C10orf90: variants seen among roughly 807,000 people sequenced by gnomAD.
C10orf90 encodes the protein chromosome 10 open reading frame 90.
A neutral mutation model predicts 62.5 loss-of-function variants in C10orf90; 56 were observed. The observed-to-expected ratio is 0.90, with a 90% CI of 0.72 to 1.12. The LOEUF is 1.12. Ranked by LOEUF, C10orf90 falls within the 50% of genes most tolerant of loss-of-function variation. The probability of loss-of-function intolerance (pLI) is 0.00; values close to 1 mark genes in which losing one functional copy is unlikely to be tolerated. For synonymous variants in C10orf90, 386 were observed against 340.4 expected (o/e 1.13, Z -1.47); for missense variants, 970 against 880.4 (o/e 1.10, Z -1.29).
At chr10:126,463,561 G>C (rs899726850) in intron 5 of C10orf90, among the ~76,000 whole-genome samples, 2 of 152,064 alleles carry the variant, frequency 1.3e-5, no homozygotes, top group African/African-American at 4.8e-5. Flanking sequence ...CTTGCGCCCT[G>C]GCCCCACCCT....
intron 8 of C10orf90, 126 bp downstream of exon 8, chr10:126,429,661 G>A: frequency 1.4e-6 from 1 of 722,036 alleles, no homozygotes; most frequent in Non-Finnish European, 2.4e-6. Context: ...CAGATTTGCA[G>A]CCAAAAAGAC....
chr10:126,501,205 TCAG>T (rs1862359912), intron 4 of C10orf90, among the ~76,000 whole-genome samples: 1 of 152,182 alleles, frequency 6.6e-6, no homozygotes, highest in Non-Finnish European at 1.5e-5. Context: ...AATCTGAAGG[TCAG>T]CAAGCTCACC....
intron 1 of C10orf90, among the ~76,000 whole-genome samples, chr10:126,659,226 G>A (rs993266918): frequency 6.6e-6 from 1 of 152,142 alleles, no homozygotes; most frequent in African/African-American, 2.4e-5. Context: ...AGCGCAATAT[G>A]AGGCAGCCAA....
chr10:126,511,158 C>T (rs894642140), intron 3 of C10orf90, among the ~76,000 whole-genome samples: 8 of 152,296 alleles, frequency 5.3e-5, no homozygotes, highest in African/African-American at 1.7e-4. Context: ...CGAATGGAAG[C>T]GCATTTTCCA....
intron 2 of C10orf90, among the ~76,000 whole-genome samples, chr10:126,623,908 C>G (rs1845694676): frequency 6.6e-6 from 1 of 151,590 alleles, no homozygotes; most frequent in Admixed American, 6.6e-5. Context: ...ACAGTCCCAG[C>G]CCTTAGAAAC....
chr10:126,642,105 C>G (rs1201764445), intron 2 of C10orf90, among the ~76,000 whole-genome samples: 2 of 152,180 alleles, frequency 1.3e-5, no homozygotes, highest in Non-Finnish European at 2.9e-5. Flanking sequence ...AAGTTTAGAG[C>G]AGCTTCATAA....
chr10:126,521,172 G>C (rs954530431), intron 2 of C10orf90: 179 of 1,023,618 alleles, frequency 1.7e-4, no homozygotes, highest in Non-Finnish European at 2.3e-4. Context: ...AGAGATACCT[G>C]GTTCATCTCC....
chr10:126,513,232 G>A (rs976905203), intron 3 of C10orf90, among the ~76,000 whole-genome samples: 3 of 152,146 alleles, frequency 2.0e-5, no homozygotes, highest in African/African-American at 7.2e-5. Flanking sequence ...AGCCAGGCAG[G>A]TTATACGAGC....
intron 7 of C10orf90, among the ~76,000 whole-genome samples, chr10:126,446,844 T>A (rs1858818452): frequency 6.6e-6 from 1 of 150,586 alleles, no homozygotes; most frequent in Non-Finnish European, 1.5e-5. Context: ...AAGAAAAAAA[T>A]ATATAAAAAT....
chr10:126,426,044 T>A lies in C10orf90; in HGVS notation c.2299A>T (p.Arg767Trp). Residue 767 changes from arginine to tryptophan, a missense_variant, in exon 9 of 10, where the codon AGG (arginine) becomes TGG (tryptophan). Physicochemically the swap from Arg to Trp is moderately radical, Grantham distance 101. Transcript: ENST00000488181. The stretch of plus-strand genomic sequence containing the variant: ...TTACTTTGTAAGATCACCCTTTTCC[T>A]TTGTTCTTCTTTTTTCTTTTTAACT... ...PEVKKKKEEQRKRVILQSNRL... is the reference protein window; with the variant it reads ...PEVKKKKEEQWKRVILQSNRL... 6.2e-7 allele frequency: 1 copy of A among 1,614,192 alleles called. No individual in the cohort carries two copies. Among genetic ancestry groups the A allele is most frequent in the Middle Eastern group, 1.6e-4 (1 of 6,062 alleles).
chr10:126,547,548 C>T (rs1236672567), intron 2 of C10orf90, among the ~76,000 whole-genome samples: 1 of 137,516 alleles, frequency 7.3e-6, no homozygotes, highest in Non-Finnish European at 1.5e-5. Flanking sequence ...GACAAACACA[C>T]CGGACTTATC....
At chr10:126,485,836 A>ACT (rs1257207451) in intron 4 of C10orf90, among the ~76,000 whole-genome samples, 1 of 151,728 alleles carries the variant, frequency 6.6e-6, no homozygotes, top group Admixed American at 6.6e-5. Flanking sequence ...AGTCCCAGCT[A>ACT]CTCAGGAGGC....
At chr10:126,633,750 T>C (rs1213043238) in intron 2 of C10orf90, among the ~76,000 whole-genome samples, 2 of 152,158 alleles carry the variant, frequency 1.3e-5, no homozygotes, top group African/African-American at 4.8e-5. Context: ...ACCTCTCTGC[T>C]TCCCCCAACA....
chr10:126,661,881 C>T (rs972012197), intron 1 of C10orf90, among the ~76,000 whole-genome samples: 1 of 152,014 alleles, frequency 6.6e-6, no homozygotes, highest in African/African-American at 2.4e-5. Context: ...AAAGGGCAAA[C>T]AATATAATTA....
At chr10:126,512,059 G>A (rs1269774467) in intron 3 of C10orf90, 1 of 151,864 alleles carries the variant, frequency 6.6e-6, no homozygotes, top group Non-Finnish European at 1.5e-5. Context: ...GCAGTCCCTG[G>A]AGTGTTTCAT....
intron 7 of C10orf90, among the ~76,000 whole-genome samples, chr10:126,431,553 A>G (rs1857568732): frequency 6.6e-6 from 1 of 152,224 alleles, no homozygotes; most frequent in African/African-American, 2.4e-5. Context: ...CCCTTGCTCA[A>G]GCAAATATGT....
intron 7 of C10orf90, among the ~76,000 whole-genome samples, chr10:126,433,818 G>A (rs568643916): frequency 3.3e-5 from 5 of 152,258 alleles, no homozygotes; most frequent in African/African-American, 1.2e-4. Flanking sequence ...AAAGTGGCAG[G>A]TGAGAACCAT....
chr10:126,638,612 C>T (rs1846000579), intron 2 of C10orf90, among the ~76,000 whole-genome samples: 1 of 152,176 alleles, frequency 6.6e-6, no homozygotes, highest in African/African-American at 2.4e-5. Flanking sequence ...CCAGTATGAC[C>T]TGTGCCTTGA....
intron 2 of C10orf90, among the ~76,000 whole-genome samples, chr10:126,515,196 C>T (rs1863368994): frequency 1.3e-5 from 2 of 152,202 alleles, no homozygotes; most frequent in South Asian, 4.1e-4. Context: ...TTATCACCTA[C>T]TGACGCTGTA....
Sources: gnomAD v4.1 joint callset for allele counts (sites outside exome capture counted in the v4.1 genomes callset) on GRCh38, gnomAD v4.1.1 for gene constraint, MANE v1.5 for transcripts, NCBI Gene and HGNC (gene_info 2026-07-23, HGNC 2026-07-21) for gene names.